CDH20: variants seen among roughly 807,000 people sequenced by gnomAD.
The protein encoded by CDH20 is cadherin 20.
In CDH20, 29 loss-of-function variants were observed where a neutral mutation model predicts 74.2. The observed-to-expected ratio is 0.39, with a 90% CI of 0.29 to 0.53. The LOEUF is 0.53. CDH20 is among the 20% of genes least tolerant of loss of function. The pLI, the probability that CDH20 is intolerant of heterozygous loss-of-function variation, is 0.69. For synonymous variants in CDH20, 469 were observed against 405.4 expected, an observed-to-expected ratio of 1.16 and a Z score of -1.88; for missense variants, 988 against 1,048.3, an observed-to-expected ratio of 0.94 and a Z score of 0.79.
intron 1 of CDH20, among the ~76,000 whole-genome samples, chr18:61,391,211 C>T (rs1427639238): frequency 6.6e-6 from 1 of 152,016 alleles, no homozygotes; most frequent in East Asian, 1.9e-4. Context: ...TCAGTAAACA[C>T]ATGAAAAGAT....
chr18:61,335,256 G>T (rs972180479), intron 1 of CDH20, among the ~76,000 whole-genome samples: 1 of 152,038 alleles, frequency 6.6e-6, no homozygotes, highest in Admixed American at 6.6e-5. Context: ...TTGCAGTCTC[G>T]TTGGACATGC....
At chr18:61,466,413 C>A (rs1909963390) in intron 1 of CDH20, among the ~76,000 whole-genome samples, 1 of 152,046 alleles carries the variant, frequency 6.6e-6, no homozygotes, top group East Asian at 1.9e-4. Context: ...AATGAGTATT[C>A]AAAAATCCTT....
intron 1 of CDH20, among the ~76,000 whole-genome samples, chr18:61,354,823 A>T (rs1910444177): frequency 6.6e-6 from 1 of 152,120 alleles, no homozygotes. Context: ...GGGCTATTCT[A>T]TTCTAGGTTT....
At chr18:61,533,621 A>G (rs1912724760) in intron 7 of CDH20, among the ~76,000 whole-genome samples, 1 of 152,136 alleles carries the variant, frequency 6.6e-6, no homozygotes, top group Admixed American at 6.5e-5. Flanking sequence ...AGAAGTTTTT[A>G]GTTTGATACA....
intron 6 of CDH20, among the ~76,000 whole-genome samples, chr18:61,507,979 AG>A (rs1408810283): frequency 6.6e-6 from 1 of 152,206 alleles, no homozygotes; most frequent in Admixed American, 6.5e-5. Flanking sequence ...ATAACATGCA[AG>A]GGTTTTTTAA....
At chr18:61,459,300 T>C (rs1909687625) in intron 1 of CDH20, among the ~76,000 whole-genome samples, 1 of 152,192 alleles carries the variant, frequency 6.6e-6, no homozygotes, top group South Asian at 2.1e-4. Flanking sequence ...GCCTCTTCCC[T>C]TGTTTTCTCA....
rs74784016 is a variant in CDH20, at chr18:61,524,981, A to T, written c.1018-2986A>T. ...AATCTCAAATGCATCATGCTAAGTG[A>T]AAGAACCCTAACTCAAAAGATTACA... On this transcript the variant is annotated intron_variant, in intron 6 of 11. Coordinates refer to ENST00000262717, the MANE Select transcript of CDH20 (RefSeq NM_031891.4). Among the ~76,000 whole-genome samples the T allele has an allele frequency of 7.1e-3, 1,088 of 152,226 alleles. 16 individuals carry two copies. Among genetic ancestry groups the T allele is most frequent in the African/African-American group, 0.024 (1,011 of 41,550 alleles).
At chr18:61,349,391 T>C (rs1447552030) in intron 1 of CDH20, among the ~76,000 whole-genome samples, 20 of 152,192 alleles carry the variant, frequency 1.3e-4, no homozygotes, top group Admixed American at 1.2e-3. Context: ...TCTCTGAATA[T>C]GTCTTCCCAG....
chr18:61,462,550 T>A (rs923239678), intron 1 of CDH20, among the ~76,000 whole-genome samples: 1 of 152,202 alleles, frequency 6.6e-6, no homozygotes, highest in African/African-American at 2.4e-5. Flanking sequence ...GCTAGCATTT[T>A]CTCAGTGATG....
intron 1 of CDH20, among the ~76,000 whole-genome samples, chr18:61,445,868 C>A (rs977553579): frequency 1.3e-5 from 2 of 152,178 alleles, no homozygotes; most frequent in East Asian, 3.9e-4. Context: ...ATTTGAGGGT[C>A]TGCTTTCCAG....
intron 2 of CDH20, among the ~76,000 whole-genome samples, chr18:61,492,824 A>G (rs1368693889): frequency 6.6e-6 from 1 of 152,212 alleles, no homozygotes; most frequent in Non-Finnish European, 1.5e-5. Flanking sequence ...CTAGAAGCTC[A>G]ATGAAAGCAA....
chr18:61,543,371 G>C (rs1343140410), intron 9 of CDH20, among the ~76,000 whole-genome samples: 2 of 152,206 alleles, frequency 1.3e-5, no homozygotes, highest in South Asian at 2.1e-4. Flanking sequence ...CCCAAGATGG[G>C]TAGGAATAGT....
At chr18:61,394,691 T>C (rs896347976) in intron 1 of CDH20, among the ~76,000 whole-genome samples, 2 of 152,138 alleles carry the variant, frequency 1.3e-5, no homozygotes, top group African/African-American at 4.8e-5. Context: ...GGAAGGAATA[T>C]GCTCACTGCT....
chr18:61,463,920 G>T, intron 1 of CDH20, among the ~76,000 whole-genome samples: 1 of 152,030 alleles, frequency 6.6e-6, no homozygotes. Context: ...GGGCCCAGAA[G>T]TATCATTTCT....
intron 1 of CDH20, among the ~76,000 whole-genome samples, chr18:61,390,780 A>G (rs190047079): frequency 1.3e-5 from 2 of 151,360 alleles, no homozygotes. Context: ...AATAGTGGTT[A>G]TTCAAGACAA....
chr18:61,416,212 A>C (rs1324277178), intron 1 of CDH20, among the ~76,000 whole-genome samples: 2 of 152,226 alleles, frequency 1.3e-5, no homozygotes, highest in Admixed American at 1.3e-4. Flanking sequence ...AATAACTATC[A>C]GTCCTTACAA....
chr18:61,500,867 G>A (rs1017479622), intron 4 of CDH20, among the ~76,000 whole-genome samples: 2 of 152,302 alleles, frequency 1.3e-5, no homozygotes, highest in Admixed American at 6.5e-5. Flanking sequence ...GGTCATTAGA[G>A]AACTAGAAGC....
intron 1 of CDH20, among the ~76,000 whole-genome samples, chr18:61,401,769 T>C (rs1912163005): frequency 6.6e-6 from 1 of 152,214 alleles, no homozygotes; most frequent in Admixed American, 6.5e-5. Context: ...AGCAATGTAT[T>C]TTTGTTCCGT....
At chr18:61,549,484 T>C (rs1913360591) in intron 10 of CDH20, among the ~76,000 whole-genome samples, 1 of 152,070 alleles carries the variant, frequency 6.6e-6, no homozygotes, top group South Asian at 2.1e-4. Context: ...TAAAAGAAAA[T>C]AGTAAAAGAC....
Sources: gnomAD v4.1 joint callset for allele counts (sites outside exome capture counted in the v4.1 genomes callset) on GRCh38, gnomAD v4.1.1 for gene constraint, MANE v1.5 for transcripts, NCBI Gene and HGNC (gene_info 2026-07-23, HGNC 2026-07-21) for gene names.